Variants in PRRC2C observed in about 807,000 individuals in gnomAD.
The protein encoded by PRRC2C is proline rich coiled-coil 2C, also known as protein PRRC2C.
In PRRC2C, 72 loss-of-function variants were observed where a neutral mutation model predicts 317.2. The observed-to-expected ratio is 0.23, with a 90% CI of 0.19 to 0.28. The LOEUF is 0.28. Ranked by LOEUF, PRRC2C falls within the 10% of genes least tolerant of loss-of-function variation. The pLI is 1.00. For missense variants in PRRC2C, 3,074 were observed against 3,459.7 expected (o/e 0.89, Z 2.80); for synonymous variants, 1,296 against 1,205.9 (o/e 1.07, Z -1.55).
In PRRC2C at chr1:171,591,884, G is replaced by GCCCGCCC; in HGVS notation, c.*37_*38insCCCGCCC. The GCCCGCCC allele has an allele frequency of 2.2e-6, 1 of 449,414 alleles. No individual in the cohort carries two copies. Among genetic ancestry groups the GCCCGCCC allele is most frequent in the African/African-American group, 2.2e-5 (1 of 45,390 alleles). The allele number at this position is 449,414 out of a possible 1,614,324, so 27.8% of individuals were successfully genotyped here. A position where few individuals can be genotyped will look rare whatever the true frequency, so the allele number is the denominator to read the frequency against. On this transcript the variant is annotated 3_prime_UTR_variant, in exon 35 of 35. Transcript: ENST00000647382. ...TATTGCAGGGGATTGGGAGGGGGGC[G>GCCCGCCC]GGAAAACATGGAGAATTAAGTCAGA...
intron 18 of PRRC2C, among the ~76,000 whole-genome samples, chr1:171,555,485 T>C (rs578206299): frequency 1.3e-5 from 2 of 152,362 alleles, no homozygotes; most frequent in Non-Finnish European, 2.9e-5. Flanking sequence ...AAAGTCATTC[T>C]CTGTCTAGCT....
In PRRC2C at chr1:171,593,464, T is replaced by A. The variant is rs1283040794; in HGVS notation, c.*1617T>A. The stretch of plus-strand genomic sequence containing the variant: ...TGTATTAAATATGTAAGGTCTTATC[T>A]ACATGGGTTTGATTACAGAAACTAA... On this transcript the variant is annotated 3_prime_UTR_variant, in exon 35 of 35. Transcript: ENST00000647382. 6.6e-6 allele frequency: 1 copy of A among 152,128 alleles called. No homozygotes were observed. The highest frequency in any genetic ancestry group is 1.5e-5 in the Non-Finnish European group (1 of 68,020). 9.4% of individuals were successfully genotyped at this position (152,128 alleles called of 1,614,324 possible). A position where few individuals can be genotyped will look rare whatever the true frequency, so the allele number is the denominator to read the frequency against.
rs1679314905 is a variant in PRRC2C at position 171,547,403 on chromosome 1, TGTAA to T, written c.4972+1719_4972+1722del. Among the ~76,000 whole-genome samples the T allele has an allele frequency of 2.0e-5, 3 of 152,288 alleles. No homozygotes were observed. The South Asian group carries it at 6.2e-4, about 32-fold the overall frequency. Reference sequence around the variant, plus strand: ...TAGGCTTTACACACACACATTTTAGTGTAAGTGAAAAACTGAGATGAAATTAGAA... The same window carrying T: ...TAGGCTTTACACACACACATTTTAGTGTGAAAAACTGAGATGAAATTAGAA... On this transcript the variant is annotated intron_variant, in intron 17 of 34. Transcript: ENST00000647382.
intron 1 of PRRC2C, chr1:171,509,550 TGAA>T (rs916100690): frequency 2.0e-5 from 3 of 152,186 alleles, no homozygotes; most frequent in Non-Finnish European, 4.4e-5. Context: ...TAGAATCACC[TGAA>T]GAATTTTTTT....
intron 5 of PRRC2C, among the ~76,000 whole-genome samples, chr1:171,516,080 C>A (rs1672300167): frequency 6.6e-6 from 1 of 152,184 alleles, no homozygotes; most frequent in Non-Finnish European, 1.5e-5. Flanking sequence ...ATCCAACTTA[C>A]TAAATCAAAA....
At position 171,541,241 on chromosome 1, in the gene PRRC2C, A is replaced by C. The variant is rs777963071; in HGVS notation, c.3775A>C (p.Arg1259=). 3 of 1,613,756 alleles carry C rather than the reference A, an allele frequency of 1.9e-6. No homozygotes were observed. The highest frequency in any genetic ancestry group is 3.3e-5 in the Admixed American group (2 of 59,952). Residue 1259 remains arginine (R), a synonymous_variant, in exon 16 of 35, where the codon AGA becomes CGA. Coordinates refer to ENST00000647382, the MANE Select transcript of PRRC2C (RefSeq NM_001387844.1). The surrounding 1 kb of genome is among the most constrained non-coding windows in gnomAD (Gnocchi z 4.1). ...CTCTGATTTTGAAGTTGTCCCCAAAAGAAGACGACAGCGGGGTTCAGAGAC... is the reference window on the plus strand; with the variant it reads ...CTCTGATTTTGAAGTTGTCCCCAAACGAAGACGACAGCGGGGTTCAGAGAC... ...ESSDFEVVPK[R]RRQRGSETDT... is the part of the protein sequence containing the mutation.
At position 171,557,960 on chromosome 1, in the gene PRRC2C, T is replaced by C. The variant is rs753499062; in HGVS notation, c.5848T>C (p.Ser1950Pro). 6.3e-6 allele frequency: 10 copies of C among 1,581,230 alleles called. No individual in the cohort carries two copies. The highest frequency in any genetic ancestry group is 8.6e-6 in the Non-Finnish European group (10 of 1,162,082). The part of the protein sequence containing the change: ...KPVQNPLQTT[S>P]QSSKQPPPSI... ...AGTCCAGAATCCACTACAGACTACA[T>C]CTCAGTCTTCAAAACAACCACCACC... The change falls in exon 19 of 35, where the codon TCT (serine) becomes CCT (proline). Residue 1950 changes from serine to proline, a missense_variant. By Grantham distance (74) the Ser-to-Pro change is moderately conservative. This residue lies in a region of PRRC2C where 640 missense variants were observed against 676.1 expected (regional missense o/e 0.95). Coordinates refer to ENST00000647382, the MANE Select transcript of PRRC2C (RefSeq NM_001387844.1).
chr1:171,556,058 A>G (rs1681322485), intron 18 of PRRC2C, among the ~76,000 whole-genome samples: 2 of 152,218 alleles, frequency 1.3e-5, no homozygotes, highest in Admixed American at 1.3e-4. Flanking sequence ...GGCAGGCCTC[A>G]TTGAACTGCG....
rs761350248 is a variant in PRRC2C at position 171,541,254 on chromosome 1, G to A, written c.3788G>A (p.Arg1263Gln). The A allele has an allele frequency of 5.1e-5, 83 of 1,613,784 alleles. No homozygotes were observed. Among genetic ancestry groups the A allele is most frequent in the Non-Finnish European group, 6.4e-5 (75 of 1,179,878 alleles). The change falls in exon 16 of 35, where the codon CGG becomes CAG. Residue 1263 changes from arginine to glutamine, a missense_variant. Transcript: ENST00000647382. This position sits in a 1 kb window ranked among gnomAD's most constrained non-coding sequence, Gnocchi z 4.1. ...FEVVPKRRRQ[R>Q]GSETDTDSEI... Reference sequence around the variant, plus strand: ...GTTGTCCCCAAAAGAAGACGACAGCGGGGTTCAGAGACTGACACAGACAGT... The same window carrying A: ...GTTGTCCCCAAAAGAAGACGACAGCAGGGTTCAGAGACTGACACAGACAGT...
At position 171,577,502 on chromosome 1, in the gene PRRC2C, T is replaced by C; in HGVS notation, c.7024T>C (p.Cys2342Arg). ...STTTSDPPNI[C>R]KVKPQQLQTS... Reference sequence around the variant, plus strand: ...AACCACATCGGACCCTCCAAATATTTGTAAAGTGAAACCTCAGCAGTTACA... The same window carrying C: ...AACCACATCGGACCCTCCAAATATTCGTAAAGTGAAACCTCAGCAGTTACA... Residue 2342 changes from cysteine to arginine, a missense_variant, in exon 26 of 35, where the codon TGT becomes CGT. Cys to Arg is a radical substitution (Grantham distance 180, BLOSUM62 -3). Transcript: ENST00000647382. 6.2e-7 allele frequency: 1 copy of C among 1,613,228 alleles called. No individual in the cohort carries two copies. The highest frequency in any genetic ancestry group is 8.5e-7 in the Non-Finnish European group (1 of 1,179,238).
chr1:171,504,987 C>T (rs1357038872), intron 1 of PRRC2C, among the ~76,000 whole-genome samples: 3 of 149,882 alleles, frequency 2.0e-5, no homozygotes, highest in East Asian at 3.9e-4. Context: ...ATGTGTAGGT[C>T]TTACGTATCT....
rs142225520 is a variant in PRRC2C, at chr1:171,568,540, C to T, written c.6651+201C>T. 3.8e-3 allele frequency among the ~76,000 whole-genome samples: 581 copies of T among 152,182 alleles called. 3 individuals carry two copies. Among genetic ancestry groups the T allele is most frequent in the African/African-American group, 0.013 (530 of 41,512 alleles). ...AGTTTTTTATTTTTCCTCTGAAAGC[C>T]ATCTGCTTTCCATTTAAGATGAAGG... On this transcript the variant is annotated intron_variant, in intron 23 of 34. Transcript: ENST00000647382.
At chr1:171,588,751 G>A (rs1224193163) in intron 33 of PRRC2C, among the ~76,000 whole-genome samples, 2 of 152,196 alleles carry the variant, frequency 1.3e-5, no homozygotes, top group Admixed American at 6.5e-5. Context: ...CTCTGATAAT[G>A]AGTCCTTTTC....
At chr1:171,576,621 G>T (rs946708679) in intron 25 of PRRC2C, among the ~76,000 whole-genome samples, 2 of 151,992 alleles carry the variant, frequency 1.3e-5, no homozygotes, top group Non-Finnish European at 2.9e-5. Context: ...TGTTTTAAAG[G>T]TATTACTATA....
At chr1:171,572,160 A>T (rs186090250) in intron 24 of PRRC2C, among the ~76,000 whole-genome samples, 140 of 151,968 alleles carry the variant, frequency 9.2e-4, no homozygotes, top group Admixed American at 3.2e-3. Flanking sequence ...TTAAAAAAAA[A>T]TTTTTTTTAA....
intron 20 of PRRC2C, among the ~76,000 whole-genome samples, chr1:171,565,753 A>G (rs1683530023): frequency 6.6e-6 from 1 of 152,030 alleles, no homozygotes; most frequent in Non-Finnish European, 1.5e-5. Context: ...GCCCAAATTA[A>G]CTGTTTAATT....
At position 171,540,574 on chromosome 1, in the gene PRRC2C, A is replaced by G. The variant is rs755287996; in HGVS notation, c.3108A>G (p.Lys1036=). 4 of 1,613,968 alleles carry G rather than the reference A, an allele frequency of 2.5e-6. No individual in the cohort carries two copies. The highest frequency in any genetic ancestry group is 2.2e-5 in the South Asian group (2 of 91,074). ...MKEEREQRKE[K]EGEKAEKVTE... ...AGGAACGGGAACAGAGGAAGGAGAA[A>G]GAAGGAGAAAAGGCCGAAAAGGTCA... The change falls in exon 16 of 35, where the codon AAA becomes AAG. Residue 1036 remains lysine, a synonymous_variant. Coordinates refer to ENST00000647382, the MANE Select transcript of PRRC2C (RefSeq NM_001387844.1).
chr1:171,560,929 A>G (rs1301040370), intron 19 of PRRC2C, 89 bp from the exon 20 acceptor site: 1 of 1,004,162 alleles, frequency 1.0e-6, no homozygotes, highest in African/African-American at 1.6e-5. Flanking sequence ...TAATAGCTAC[A>G]CAGTAGGAGA....
intron 1 of PRRC2C, among the ~76,000 whole-genome samples, chr1:171,490,152 C>T (rs1224641208): frequency 1.3e-5 from 2 of 152,186 alleles, no homozygotes; most frequent in African/African-American, 2.4e-5. Context: ...CTCCTGACCT[C>T]GTGATCCGCC....
Sources: allele counts gnomAD v4.1 joint callset (sites outside exome capture counted in the v4.1 genomes callset), GRCh38; gene constraint gnomAD v4.1.1; regional missense constraint gnomAD v4.1.1; non-coding constraint Gnocchi (gnomAD v3.1); transcripts MANE v1.5; gene names NCBI Gene and HGNC (gene_info 2026-07-23, HGNC 2026-07-21).